The following RLN2 variants were observed in gnomAD, a reference collection of about 807,000 sequenced individuals.
The protein encoded by RLN2 is relaxin 2, also known as prorelaxin H2.
Under a neutral mutation model 7.3 loss-of-function variants are expected in RLN2, and 10 were observed. The ratio of observed to expected loss-of-function variants is 1.36; its 90% CI spans 0.84 to 2.31. RLN2 has a LOEUF of 2.31. RLN2 is among the 30% of genes most tolerant of loss of function. RLN2 has a pLI of 0.00. For synonymous variants in RLN2, 103 were observed against 82.3 expected (o/e 1.25, Z -1.36); for missense variants, 298 against 217.6 (o/e 1.37, Z -2.32).
intron 1 of RLN2, chr9:5,303,979 C>A (rs1816185045): frequency 1.1e-4 from 19 of 169,082 alleles, no homozygotes; most frequent in South Asian, 5.6e-4. Flanking sequence ...CGCTGTCTGG[C>A]CGCCTGGCTT....
chr9:5,329,080 G>A, the RLN2 span, among the ~76,000 whole-genome samples: 16 of 151,780 alleles, frequency 1.1e-4, no homozygotes, highest in Non-Finnish European at 1.6e-4. Flanking sequence ...GAGGCGGGTG[G>A]ATCATGAGGT....
the RLN2 span, among the ~76,000 whole-genome samples, chr9:5,318,007 C>CATGTGTGTGTGTGT: frequency 6.8e-6 from 1 of 147,948 alleles, no homozygotes; most frequent in Non-Finnish European, 1.5e-5. Context: ...TGTGTGTGTG[C>CATGTGTGTGTGTGT]GTGTGTGTGT....
chr9:5,314,656 A>G, the RLN2 span, among the ~76,000 whole-genome samples: 1 of 152,040 alleles, frequency 6.6e-6, no homozygotes, highest in African/African-American at 2.4e-5. Flanking sequence ...AGCCCATTAG[A>G]GTATGAGCTG....
At chr9:5,317,896 G>A in the RLN2 span, among the ~76,000 whole-genome samples, 57 of 151,864 alleles carry the variant, frequency 3.8e-4, no homozygotes, top group Non-Finnish European at 7.6e-4. Flanking sequence ...CACTGTTGAC[G>A]AAGTGTGGGA....
Position 5,304,702 on chromosome 9 carries a change from T to C in RLN2, c.-122A>G, listed in dbSNP as rs1816210716. The C allele has an allele frequency of 2.0e-6, 2 of 984,578 alleles. No homozygotes were observed. The highest frequency in any genetic ancestry group is 3.1e-6 in the Non-Finnish European group (2 of 645,680). 61.0% of individuals were successfully genotyped at this position (984,578 alleles called of 1,614,324 possible). ...CTTTAGGCTGCTTTCCCTACCCGGC[T>C]CAAGCGGTCTTTTGTATCCCTTGGG... On this transcript the variant is annotated 5_prime_UTR_variant, in exon 1 of 2. Transcript: ENST00000381627.
At chr9:5,309,809 A>G in the RLN2 span, among the ~76,000 whole-genome samples, 4 of 151,950 alleles carry the variant, frequency 2.6e-5, no homozygotes, top group Admixed American at 2.0e-4. Flanking sequence ...AAGGAAATTT[A>G]TAGATCTCAT....
At chr9:5,327,311 T>C in the RLN2 span, among the ~76,000 whole-genome samples, 152 of 152,100 alleles carry the variant, frequency 1.0e-3, no homozygotes, top group Non-Finnish European at 8.7e-4. Flanking sequence ...CAGTCTGAGA[T>C]CGACCGGCTA....
intron 1 of RLN2, among the ~76,000 whole-genome samples, chr9:5,301,388 C>A (rs1233196263): frequency 6.6e-6 from 1 of 152,202 alleles, no homozygotes; most frequent in African/African-American, 2.4e-5. Context: ...GTCTCTGGCA[C>A]TGCCAGTTAA....
chr9:5,337,163 A>G, the RLN2 span, among the ~76,000 whole-genome samples: 1 of 151,948 alleles, frequency 6.6e-6, no homozygotes, highest in Non-Finnish European at 1.5e-5. Flanking sequence ...GTTTAATTCA[A>G]TTTCCTCATA....
chr9:5,322,285 G>A, the RLN2 span, among the ~76,000 whole-genome samples: 1 of 152,014 alleles, frequency 6.6e-6, no homozygotes, highest in Non-Finnish European at 1.5e-5. Context: ...CTCCAGCAGG[G>A]CTTTACTGCT....
At chr9:5,329,599 G>A in the RLN2 span, among the ~76,000 whole-genome samples, 1 of 150,960 alleles carries the variant, frequency 6.6e-6, no homozygotes, top group East Asian at 1.9e-4. Context: ...AAAAATGCAG[G>A]AGTTGCAATC....
At chr9:5,305,179 T>TA (rs1374787534), upstream of RLN2, among the ~76,000 whole-genome samples, 1 of 151,918 alleles carries the variant, frequency 6.6e-6, no homozygotes, top group Non-Finnish European at 1.5e-5. Flanking sequence ...TGAATGCAGG[T>TA]AAAAACATTA....
At chr9:5,325,750 C>T in the RLN2 span, among the ~76,000 whole-genome samples, 2 of 151,954 alleles carry the variant, frequency 1.3e-5, no homozygotes, top group Non-Finnish European at 2.9e-5. Flanking sequence ...TATTCACAAG[C>T]CAATATCATC....
At chr9:5,335,050 A>G in the RLN2 span, 1 of 466,910 alleles carries the variant, frequency 2.1e-6, no homozygotes, top group Non-Finnish European at 3.7e-6. Flanking sequence ...TAAAAAGACA[A>G]AAAGACTTCA....
the RLN2 span, among the ~76,000 whole-genome samples, chr9:5,317,158 A>T: frequency 2.6e-5 from 4 of 152,022 alleles, no homozygotes; most frequent in Non-Finnish European, 5.9e-5. Flanking sequence ...CAAACAAAGG[A>T]TCTATAAAAT....
intron 1 of RLN2, among the ~76,000 whole-genome samples, chr9:5,302,476 A>C (rs1816169417): frequency 6.6e-6 from 1 of 152,220 alleles, no homozygotes; most frequent in African/African-American, 2.4e-5. Flanking sequence ...AATTAATCAC[A>C]AATTACTGAC....
chr9:5,323,376 G>A, the RLN2 span, among the ~76,000 whole-genome samples: 4 of 151,908 alleles, frequency 2.6e-5, no homozygotes, highest in Non-Finnish European at 5.9e-5. Flanking sequence ...CTCTCCTACA[G>A]TAGTTTTTCT....
chr9:5,327,563 C>A, the RLN2 span, among the ~76,000 whole-genome samples: 1,863 of 152,126 alleles, frequency 0.012, 69 homozygotes, highest in African/African-American at 0.043. Context: ...GTTCTCTCAG[C>A]ACGGCATTCG....
chr9:5,322,039 C>T, the RLN2 span, among the ~76,000 whole-genome samples: 112,611 of 151,934 alleles, frequency 0.74, 42,646 homozygotes, highest in African/African-American at 0.89. Context: ...AATAGGAACT[C>T]TGTAGCTTGG....
Sources: gnomAD v4.1 joint callset for allele counts (sites outside exome capture counted in the v4.1 genomes callset) on GRCh38, gnomAD v4.1.1 for gene constraint, MANE v1.5 for transcripts, NCBI Gene and HGNC (gene_info 2026-07-23, HGNC 2026-07-21) for gene names.